ARNT2: variants seen among roughly 807,000 people sequenced by gnomAD.
ARNT2 encodes the protein aryl hydrocarbon receptor nuclear translocator 2, also known as ARNT protein 2.
Under a neutral mutation model 91.7 loss-of-function variants are expected in ARNT2, and 36 were observed. That is an observed-to-expected ratio of 0.39 (90% CI 0.30 to 0.52). The LOEUF (loss-of-function observed/expected upper bound fraction) is 0.52. Among genes scored for constraint, ARNT2 ranks in the 20% least tolerant of loss-of-function variants. The pLI is 0.72. For synonymous variants in ARNT2, 365 were observed against 347.1 expected (o/e 1.05, Z -0.57); for missense variants, 775 against 939.3 (o/e 0.83, Z 2.29).
At chr15:80,543,881 C>T (rs1897950414) in intron 8 of ARNT2, among the ~76,000 whole-genome samples, 1 of 152,180 alleles carries the variant, frequency 6.6e-6, no homozygotes, top group Non-Finnish European at 1.5e-5. Context: ...GCTGGGATTA[C>T]AGGCACGTGC....
intron 1 of ARNT2, chr15:80,433,939 G>C (rs918112923): frequency 1.7e-4 from 26 of 152,354 alleles, no homozygotes; most frequent in Non-Finnish European, 1.5e-4. Flanking sequence ...GATTCTTCTT[G>C]GCCTTGCTGA....
rs764795369 is a variant in ARNT2, at chr15:80,597,200, G to T, written c.*3502G>T. On this transcript the variant is annotated 3_prime_UTR_variant, in exon 19 of 19. Coordinates refer to ENST00000303329, the MANE Select transcript of ARNT2 (RefSeq NM_014862.4). Reference sequence around the variant, plus strand: ...GAGAAAGAAACCAGTCCCAGGGAATGAATGGTGGTCTCCCCACTCCCGGCA... The same window carrying T: ...GAGAAAGAAACCAGTCCCAGGGAATTAATGGTGGTCTCCCCACTCCCGGCA... The T allele has an allele frequency of 1.9e-6, 1 of 518,602 alleles. No individual in the cohort carries two copies. 32.1% of individuals were successfully genotyped at this position (518,602 alleles called of 1,614,324 possible).
chr15:80,510,658 G>A (rs553924698), intron 6 of ARNT2, among the ~76,000 whole-genome samples: 58 of 152,030 alleles, frequency 3.8e-4, no homozygotes, highest in Admixed American at 1.9e-3. Flanking sequence ...GTGAAACCCC[G>A]TCTCTACTAA....
chr15:80,410,313 A>T (rs1178298853), intron 1 of ARNT2, among the ~76,000 whole-genome samples: 1 of 152,180 alleles, frequency 6.6e-6, no homozygotes, highest in African/African-American at 2.4e-5. Flanking sequence ...TCATGACTTC[A>T]TTGTAAGGAG....
At chr15:80,439,181 G>A (rs145924078) in intron 1 of ARNT2, among the ~76,000 whole-genome samples, 29 of 152,162 alleles carry the variant, frequency 1.9e-4, no homozygotes, top group African/African-American at 6.5e-4. Flanking sequence ...TTTTTAATCT[G>A]AGTACATCTA....
chr15:80,533,267 G>A (rs1179641056), intron 8 of ARNT2, among the ~76,000 whole-genome samples: 1 of 152,214 alleles, frequency 6.6e-6, no homozygotes, highest in Non-Finnish European at 1.5e-5. Flanking sequence ...AGCAGGGGCA[G>A]GTGGAGACTG....
chr15:80,409,172 C>T (rs374139053), intron 1 of ARNT2, among the ~76,000 whole-genome samples: 4 of 152,264 alleles, frequency 2.6e-5, no homozygotes, highest in South Asian at 4.1e-4. Flanking sequence ...TTATATCTAC[C>T]GTTATAATAT....
intron 11 of ARNT2, among the ~76,000 whole-genome samples, chr15:80,561,231 G>A (rs536605037): frequency 6.6e-6 from 1 of 152,194 alleles, no homozygotes; most frequent in Admixed American, 6.5e-5. Flanking sequence ...CAGGGACCAA[G>A]TCCCCATTCT....
chr15:80,550,290 C>T (rs780270377), intron 8 of ARNT2, among the ~76,000 whole-genome samples: 17 of 152,254 alleles, frequency 1.1e-4, no homozygotes, highest in Admixed American at 3.3e-4. Flanking sequence ...GACATTTCTC[C>T]GGCTCACAAA....
At chr15:80,490,623 C>T (rs1415774485) in intron 5 of ARNT2, among the ~76,000 whole-genome samples, 1 of 152,256 alleles carries the variant, frequency 6.6e-6, no homozygotes, top group East Asian at 1.9e-4. Flanking sequence ...GCCCCACAGT[C>T]CCGTCTCCCC....
At chr15:80,464,324 GT>G (rs201933721) in intron 3 of ARNT2, among the ~76,000 whole-genome samples, 4,789 of 150,434 alleles carry the variant, frequency 0.032, 121 homozygotes, top group South Asian at 0.084. Context: ...GGGGCTGGGG[GT>G]GGGGGGTTGC....
In ARNT2 at chr15:80,542,186, C is replaced by T. The variant is rs142640526; in HGVS notation, c.878-9013C>T. On this transcript the variant is annotated intron_variant, in intron 8 of 18. Coordinates refer to ENST00000303329, the MANE Select transcript of ARNT2 (RefSeq NM_014862.4). Reference sequence around the variant, plus strand: ...CATTCACAACTAAACATTTTTTGCCCATATTAAGACATAAACTTTTTAGTA... The same window carrying T: ...CATTCACAACTAAACATTTTTTGCCTATATTAAGACATAAACTTTTTAGTA... 6.6e-3 allele frequency among the ~76,000 whole-genome samples: 998 copies of T among 152,302 alleles called. 17 individuals carry two copies. The highest frequency in any genetic ancestry group is 0.022 in the African/African-American group (904 of 41,572).
At chr15:80,438,376 C>T (rs916480089) in intron 1 of ARNT2, among the ~76,000 whole-genome samples, 5 of 152,080 alleles carry the variant, frequency 3.3e-5, no homozygotes. Flanking sequence ...GTTTTTTCCC[C>T]TGTGAATTTT....
chr15:80,443,437 T>C (rs933360030), intron 1 of ARNT2, among the ~76,000 whole-genome samples: 28 of 150,304 alleles, frequency 1.9e-4, no homozygotes, highest in African/African-American at 6.9e-4. Flanking sequence ...AGGACAAGAG[T>C]GGAATGCAGG....
chr15:80,596,199 G>T lies in ARNT2; in HGVS notation c.*2501G>T, dbSNP rs1893372451. The T allele has an allele frequency of 6.6e-6, 1 of 152,212 alleles. No individual in the cohort carries two copies. Among genetic ancestry groups the T allele is most frequent in the African/African-American group, 2.4e-5 (1 of 41,440 alleles). The allele number at this position is 152,212 out of a possible 1,614,324, so 9.4% of individuals were successfully genotyped here. A position where few individuals can be genotyped will look rare whatever the true frequency, so the allele number is the denominator to read the frequency against. On this transcript the variant is annotated 3_prime_UTR_variant, in exon 19 of 19. Transcript: ENST00000303329. ...CCTCAACAGGGGTCCAGGGTGCAGT[G>T]AACTCAGTTCTTGGCCCTTGGGTGA...
In ARNT2 at chr15:80,543,094, CAAAAAAAAAAAAA is replaced by C. The variant is rs368917679; in HGVS notation, c.878-8090_878-8078del. 2.2e-3 allele frequency among the ~76,000 whole-genome samples: 189 copies of C among 86,676 alleles called. 3 individuals carry two copies. Among genetic ancestry groups the C allele is most frequent in the South Asian group, 0.01 (20 of 1,912 alleles). The allele number at this position is 86,676 out of a possible 152,430, so 56.9% of individuals were successfully genotyped here. On this transcript the variant is annotated intron_variant, in intron 8 of 18. Transcript: ENST00000303329. The stretch of plus-strand genomic sequence containing the variant: ...CCTGGATAACAGAGCCAGACCCGGT[CAAAAAAAAAAAAA>C]AAAAAAAAAAAAAAGAAAAGTGCGT...
intron 1 of ARNT2, among the ~76,000 whole-genome samples, chr15:80,432,418 GAAAAA>G (rs999070849): frequency 6.6e-6 from 1 of 151,468 alleles, no homozygotes; most frequent in Non-Finnish European, 1.5e-5. Flanking sequence ...TAAATTGATG[GAAAAA>G]AAACACCAAA....
chr15:80,432,559 T>C (rs1252485339), intron 1 of ARNT2, among the ~76,000 whole-genome samples: 1 of 152,142 alleles, frequency 6.6e-6, no homozygotes, highest in African/African-American at 2.4e-5. Flanking sequence ...AACTGCAGCG[T>C]TGAGTAGTTG....
At chr15:80,515,181 G>A (rs1289374736) in intron 8 of ARNT2, among the ~76,000 whole-genome samples, 8 of 152,170 alleles carry the variant, frequency 5.3e-5, no homozygotes, top group Non-Finnish European at 1.0e-4. Context: ...AAATAGCATA[G>A]CCACTTGGGA....
Sources: allele counts gnomAD v4.1 joint callset (sites outside exome capture counted in the v4.1 genomes callset), GRCh38; gene constraint gnomAD v4.1.1; transcripts MANE v1.5; gene names NCBI Gene and HGNC (gene_info 2026-07-23, HGNC 2026-07-21).